IGSF11: variants seen among roughly 807,000 people sequenced by gnomAD.
The protein encoded by IGSF11 is immunoglobulin superfamily member 11, also known as CXADR like 1.
A neutral mutation model predicts 41.0 loss-of-function variants in IGSF11; 22 were observed. The observed-to-expected ratio is 0.54, with a 90% confidence interval of 0.38 to 0.77. The LOEUF (loss-of-function observed/expected upper bound fraction) is 0.77, where lower values mean the gene tolerates loss of function less well. Among genes scored for constraint, IGSF11 ranks in the 30% least tolerant of loss-of-function variants. The pLI, the probability that IGSF11 is intolerant of heterozygous loss-of-function variation, is 0.00. For missense variants in IGSF11, 444 were observed against 530.8 expected, an observed-to-expected ratio of 0.84 and a Z score of 1.61; for synonymous variants, 219 against 201.3, an observed-to-expected ratio of 1.09 and a Z score of -0.74.
At chr3:119,096,232 A>T (rs894066641) in intron 1 of IGSF11, among the ~76,000 whole-genome samples, 1 of 152,002 alleles carries the variant, frequency 6.6e-6, no homozygotes, top group African/African-American at 2.4e-5. Flanking sequence ...CTCACCCTCA[A>T]GTCTTTATTA....
chr3:119,056,193 T>G (rs1354259478), intron 1 of IGSF11, among the ~76,000 whole-genome samples: 1 of 152,034 alleles, frequency 6.6e-6, no homozygotes, highest in Non-Finnish European at 1.5e-5. Context: ...GCTGGTTTTT[T>G]GAAAAGATCA....
intron 3 of IGSF11, among the ~76,000 whole-genome samples, chr3:118,927,427 T>C (rs1360175772): frequency 6.6e-6 from 1 of 152,188 alleles, no homozygotes; most frequent in African/African-American, 2.4e-5. Context: ...TACACTATAC[T>C]CGGTACTCAG....
At chr3:119,099,535 C>CA (rs563938235) in intron 1 of IGSF11, among the ~76,000 whole-genome samples, 71 of 151,862 alleles carry the variant, frequency 4.7e-4, no homozygotes, top group African/African-American at 1.7e-3. Flanking sequence ...AAATCATCAA[C>CA]AAAAAAATAA....
intron 1 of IGSF11, among the ~76,000 whole-genome samples, chr3:119,003,604 A>G (rs535900847): frequency 0.01 from 1,583 of 151,484 alleles, 34 homozygotes; most frequent in East Asian, 0.06. Context: ...TGGGTTTGTT[A>G]TAGATAGCTC....
At chr3:118,999,503 G>A (rs1241344671) in intron 1 of IGSF11, among the ~76,000 whole-genome samples, 1 of 152,130 alleles carries the variant, frequency 6.6e-6, no homozygotes. Context: ...ATCAATGGTT[G>A]AAACAGCAAC....
intron 1 of IGSF11, among the ~76,000 whole-genome samples, chr3:118,958,898 C>T (rs577080849): frequency 4.6e-5 from 7 of 152,230 alleles, no homozygotes; most frequent in Admixed American, 1.3e-4. Flanking sequence ...GTGGAGAATA[C>T]GAAAGCAGCA....
intron 1 of IGSF11, among the ~76,000 whole-genome samples, chr3:119,119,084 A>T (rs1419811656): frequency 6.6e-6 from 1 of 152,086 alleles, no homozygotes; most frequent in Non-Finnish European, 1.5e-5. Flanking sequence ...GAGCCCTCCA[A>T]ACTCTTCCAA....
At chr3:118,987,083 G>A (rs1935330938) in intron 1 of IGSF11, among the ~76,000 whole-genome samples, 1 of 152,138 alleles carries the variant, frequency 6.6e-6, no homozygotes, top group African/African-American at 2.4e-5. Context: ...GAAAACGTGT[G>A]GAAGCTCAGG....
intron 4 of IGSF11, among the ~76,000 whole-genome samples, chr3:118,922,717 G>C (rs1291105583): frequency 6.6e-6 from 1 of 152,082 alleles, no homozygotes; most frequent in Admixed American, 6.6e-5. Context: ...ATAAGCAACA[G>C]AAATTTATTT....
At chr3:119,035,627 T>C (rs1940859987), upstream of IGSF11, among the ~76,000 whole-genome samples, 1 of 152,224 alleles carries the variant, frequency 6.6e-6, no homozygotes, top group South Asian at 2.1e-4. Context: ...TTGTTTTTGC[T>C]TCTTGTTTGT....
intron 1 of IGSF11, among the ~76,000 whole-genome samples, chr3:119,060,128 A>G (rs1305524637): frequency 6.6e-6 from 1 of 152,158 alleles, no homozygotes; most frequent in Non-Finnish European, 1.5e-5. Context: ...CGTCTTTTCT[A>G]TGAGCTACCT....
At chr3:118,970,281 T>G (rs1255569229) in intron 1 of IGSF11, among the ~76,000 whole-genome samples, 2 of 152,150 alleles carry the variant, frequency 1.3e-5, no homozygotes, top group Non-Finnish European at 2.9e-5. Context: ...TAATTCCTAT[T>G]TCCAAACAAA....
chr3:119,048,756 C>T (rs1941482964), intron 1 of IGSF11, among the ~76,000 whole-genome samples: 1 of 152,022 alleles, frequency 6.6e-6, no homozygotes, highest in Non-Finnish European at 1.5e-5. Context: ...CAATAAAATA[C>T]TGGCAAACCG....
At chr3:118,966,867 C>T (rs2107611047) in intron 1 of IGSF11, among the ~76,000 whole-genome samples, 2 of 152,270 alleles carry the variant, frequency 1.3e-5, no homozygotes, top group South Asian at 4.2e-4. Context: ...TGTCTAGTTT[C>T]CATTCCCAGG....
chr3:119,101,567 C>T (rs1355613166), intron 1 of IGSF11, among the ~76,000 whole-genome samples: 1 of 152,048 alleles, frequency 6.6e-6, no homozygotes, highest in East Asian at 1.9e-4. Flanking sequence ...GTTAAATTAC[C>T]AAAAGGTATA....
At chr3:119,055,056 C>A (rs1232380823) in intron 1 of IGSF11, among the ~76,000 whole-genome samples, 3 of 152,154 alleles carry the variant, frequency 2.0e-5, no homozygotes, top group Admixed American at 6.5e-5. Flanking sequence ...CTGCTGATAC[C>A]CAGGCAAACA....
chr3:118,980,455 G>A (rs1348730303), intron 1 of IGSF11, among the ~76,000 whole-genome samples: 1 of 152,166 alleles, frequency 6.6e-6, no homozygotes, highest in Non-Finnish European at 1.5e-5. Context: ...TCATACATGG[G>A]AGCTAATAAA....
chr3:118,966,988 G>C (rs1457523482), intron 1 of IGSF11, among the ~76,000 whole-genome samples: 1 of 152,030 alleles, frequency 6.6e-6, no homozygotes, highest in Non-Finnish European at 1.5e-5. Context: ...CAAAAGATAA[G>C]CTAAGAAAGG....
chr3:119,043,366 TC>T (rs368412437), intron 1 of IGSF11, among the ~76,000 whole-genome samples: 1 of 152,148 alleles, frequency 6.6e-6, no homozygotes, highest in South Asian at 2.1e-4. Flanking sequence ...ACCTGATTAG[TC>T]GGGTGTGAGC....
Sources: gnomAD v4.1 joint callset for allele counts (sites outside exome capture counted in the v4.1 genomes callset) on GRCh38, gnomAD v4.1.1 for gene constraint, MANE v1.5 for transcripts, NCBI Gene and HGNC (gene_info 2026-07-23, HGNC 2026-07-21) for gene names.